The following OLFM1 variants were observed in gnomAD, a reference collection of about 807,000 sequenced individuals.
OLFM1 encodes noelin.
OLFM1 carries 9 observed loss-of-function variants against 49.7 expected under a neutral mutation model. That is an observed-to-expected ratio of 0.18 (90% confidence interval 0.11 to 0.32). The LOEUF (loss-of-function observed/expected upper bound fraction) is 0.32. Ranked by LOEUF, OLFM1 falls within the 10% of genes least tolerant of loss-of-function variation. The pLI is 1.00. For missense variants in OLFM1, 369 were observed against 661.8 expected (o/e 0.56, Z 4.85); for synonymous variants, 240 against 271.8 (o/e 0.88, Z 1.15).
Position 135,097,227 on chromosome 9 carries a change from T to C in OLFM1, c.457-1059T>C, listed in dbSNP as rs555519313. Among the ~76,000 whole-genome samples, 3 of 152,294 alleles carry C rather than the reference T, an allele frequency of 2.0e-5. No homozygotes were observed. In the South Asian group the frequency reaches 6.2e-4, roughly 32 times the overall value. ...TAGATGAAATGGCAAGCTAATGAAATTATAAATCTATATTATAAATAAAAT... is the reference window on the plus strand; with the variant it reads ...TAGATGAAATGGCAAGCTAATGAAACTATAAATCTATATTATAAATAAAAT... On this transcript the variant is annotated intron_variant, in intron 3 of 5. Coordinates refer to ENST00000371793, the MANE Select transcript of OLFM1 (RefSeq NM_001282611.2).
rs1830830134 is a variant in OLFM1 at position 135,098,558 on chromosome 9, C to T, written c.676+53C>T. 2 of 1,509,950 alleles carry T rather than the reference C, an allele frequency of 1.3e-6. No homozygotes were observed. The highest frequency in any genetic ancestry group is 1.8e-6 in the Non-Finnish European group (2 of 1,088,962). 93.5% of individuals were successfully genotyped at this position (1,509,950 alleles called of 1,614,324 possible). ...CGCTGCACTGCCCACCTCCGGCACACGCACAGGCTTAGGGAGTGGTGCTGA... is the reference window on the plus strand; with the variant it reads ...CGCTGCACTGCCCACCTCCGGCACATGCACAGGCTTAGGGAGTGGTGCTGA... On this transcript the variant is annotated intron_variant, in intron 4 of 5. Transcript: ENST00000371793. This position sits in a 1 kb window ranked among gnomAD's most constrained non-coding sequence, Gnocchi z 5.6.
At chr9:135,104,529 C>T (rs1298753761) in intron 4 of OLFM1, among the ~76,000 whole-genome samples, 5 of 151,370 alleles carry the variant, frequency 3.3e-5, no homozygotes, top group Non-Finnish European at 5.9e-5. Flanking sequence ...AGCCCGTGTG[C>T]GCTGCTGGAT....
At chr9:135,076,988 C>A (rs781620635) in intron 1 of OLFM1, 2 of 1,550,476 alleles carry the variant, frequency 1.3e-6, no homozygotes, top group Non-Finnish European at 8.7e-7. Context: ...TATGTCGTCC[C>A]GCTTACCCTC....
chr9:135,114,046 C>T (rs1831060437), intron 5 of OLFM1, among the ~76,000 whole-genome samples: 1 of 151,772 alleles, frequency 6.6e-6, no homozygotes, highest in Non-Finnish European at 1.5e-5. Context: ...TCTGTGTCCC[C>T]TCTTCTGTCT....
chr9:135,076,281 TGG>T, intron 1 of OLFM1: 9 of 1,550,118 alleles, frequency 5.8e-6, no homozygotes, highest in Non-Finnish European at 7.8e-6. Flanking sequence ...AAACAGGCGG[TGG>T]GGATTGTGCC....
At chr9:135,105,668 C>T (rs1006381003) in intron 4 of OLFM1, 2 of 152,328 alleles carry the variant, frequency 1.3e-5, no homozygotes, top group African/African-American at 4.8e-5. Flanking sequence ...CGTGGATGGC[C>T]TCTGAACTCG....
intron 2 of OLFM1, among the ~76,000 whole-genome samples, chr9:135,095,526 A>AG (rs1449187582): frequency 9.5e-6 from 1 of 105,058 alleles, no homozygotes; most frequent in Non-Finnish European, 1.8e-5. Flanking sequence ...AAAAAAAAAA[A>AG]AAAAAGAGAG....
rs1387161756 is a variant in OLFM1, at chr9:135,120,889, A to T, written c.*711A>T. 6.6e-6 allele frequency: 1 copy of T among 151,786 alleles called. No individual in the cohort carries two copies. Among genetic ancestry groups the T allele is most frequent in the African/African-American group, 2.5e-5 (1 of 40,668 alleles). The allele number at this position is 151,786 out of a possible 1,614,324, so 9.4% of individuals were successfully genotyped here. Reference sequence around the variant, plus strand: ...AAATGCAATGCCGTAGTTTGGATTAATAAGTGGATGGTTTTTGTTTCTAAA... The same window carrying T: ...AAATGCAATGCCGTAGTTTGGATTATTAAGTGGATGGTTTTTGTTTCTAAA... On this transcript the variant is annotated 3_prime_UTR_variant, in exon 6 of 6. Coordinates refer to ENST00000371793, the MANE Select transcript of OLFM1 (RefSeq NM_001282611.2).
upstream of OLFM1, chr9:135,087,271 GA>G: frequency 2.7e-6 from 4 of 1,465,120 alleles, no homozygotes; most frequent in Admixed American, 2.3e-5. Flanking sequence ...AATCACCGCG[GA>G]AAAGGGCTCC....
At chr9:135,078,362 G>A (rs558595825) in intron 1 of OLFM1, among the ~76,000 whole-genome samples, 14 of 152,308 alleles carry the variant, frequency 9.2e-5, no homozygotes, top group East Asian at 1.9e-4. Context: ...TGTCAGAAAC[G>A]CCTGGATCCT....
chr9:135,087,887 A>T lies in OLFM1; in HGVS notation c.-103A>T. 3.5e-5 allele frequency: 36 copies of T among 1,038,850 alleles called. No homozygotes were observed. Among genetic ancestry groups the T allele is most frequent in the Non-Finnish European group, 4.2e-5 (36 of 861,836 alleles). 64.4% of individuals were successfully genotyped at this position (1,038,850 alleles called of 1,614,324 possible). On this transcript the variant is annotated 5_prime_UTR_variant, in exon 1 of 6. Transcript: ENST00000371793. ...GCGGGCCGAGGGGGCGCGGGGACAC[A>T]GCCAGGCGCCCCTGCCCGCCGCGGT...
At chr9:135,099,005 G>T (rs1432669895) in intron 4 of OLFM1, among the ~76,000 whole-genome samples, 2 of 152,236 alleles carry the variant, frequency 1.3e-5, no homozygotes, top group Non-Finnish European at 2.9e-5. Flanking sequence ...AGCCTGGAAG[G>T]GGAGGAGCCT....
upstream of OLFM1, among the ~76,000 whole-genome samples, chr9:135,085,232 G>A (rs1238960628): frequency 2.6e-5 from 4 of 152,178 alleles, no homozygotes; most frequent in African/African-American, 9.7e-5. Flanking sequence ...TCCTTCCCAC[G>A]AGCGTGGAAG....
rs141787345 is a variant in OLFM1, at chr9:135,100,959, CATAG to C, written c.676+2460_676+2463del. Among the ~76,000 whole-genome samples, 637 of 152,218 alleles carry C rather than the reference CATAG, an allele frequency of 4.2e-3. 5 individuals are homozygous for C. The highest frequency in any genetic ancestry group is 0.014 in the African/African-American group (581 of 41,508). On this transcript the variant is annotated intron_variant, in intron 4 of 5. Transcript: ENST00000371793. ...TTGATTGATTGATAGATGATTGACA[CATAG>C]ATAGAGTTAGCAGCTGCTGACCTTC...
intron 4 of OLFM1, among the ~76,000 whole-genome samples, chr9:135,104,775 G>A (rs1242032351): frequency 6.6e-6 from 1 of 152,196 alleles, no homozygotes; most frequent in Non-Finnish European, 1.5e-5. Context: ...CCAGCAGCCG[G>A]AGGGTGAGCC....
At chr9:135,081,291 A>C (rs934429380) in intron 1 of OLFM1, among the ~76,000 whole-genome samples, 1 of 152,168 alleles carries the variant, frequency 6.6e-6, no homozygotes, top group Non-Finnish European at 1.5e-5. Context: ...AGAAAATGCA[A>C]AGTCGAAAAA....
At chr9:135,102,252 G>A (rs900118280) in intron 4 of OLFM1, among the ~76,000 whole-genome samples, 3 of 152,158 alleles carry the variant, frequency 2.0e-5, no homozygotes, top group African/African-American at 7.2e-5. Flanking sequence ...CTTGTTCCCT[G>A]ACCCTGAGAT....
At position 135,098,252 on chromosome 9, in the gene OLFM1, C is replaced by A; in HGVS notation, c.457-34C>A. On this transcript the variant is annotated intron_variant, in intron 3 of 5. Transcript: ENST00000371793. This position sits in a 1 kb window ranked among gnomAD's most constrained non-coding sequence, Gnocchi z 5.6. ...GGCAGGGTGTGAGAGTTCTTGCATG[C>A]ATCGCACTGAACCAGCTTATTTTAA... 6.2e-7 allele frequency: 1 copy of A among 1,604,344 alleles called. No individual in the cohort carries two copies. Among genetic ancestry groups the A allele is most frequent in the Non-Finnish European group, 8.5e-7 (1 of 1,172,236 alleles).
At position 135,117,893 on chromosome 9, in the gene OLFM1, C is replaced by T. The variant is rs1453257782; in HGVS notation, c.784-1611C>T. Among the ~76,000 whole-genome samples the T allele has an allele frequency of 6.6e-6, 1 of 152,226 alleles. No individual in the cohort carries two copies. Among genetic ancestry groups the T allele is most frequent in the Non-Finnish European group, 1.5e-5 (1 of 68,038 alleles). On this transcript the variant is annotated intron_variant, in intron 5 of 5. Coordinates refer to ENST00000371793, the MANE Select transcript of OLFM1 (RefSeq NM_001282611.2). This position sits in a 1 kb window ranked among gnomAD's most constrained non-coding sequence, Gnocchi z 5.5. Reference sequence around the variant, plus strand: ...GATCCTTTCTTCAAACTGTGTGTTCCCATCTCACCTTCCCACTAGACCCTT... The same window carrying T: ...GATCCTTTCTTCAAACTGTGTGTTCTCATCTCACCTTCCCACTAGACCCTT...
Sources: gnomAD v4.1 joint callset for allele counts (sites outside exome capture counted in the v4.1 genomes callset) on GRCh38, gnomAD v4.1.1 for gene constraint, Gnocchi (gnomAD v3.1) non-coding constraint, MANE v1.5 for transcripts, NCBI Gene and HGNC (gene_info 2026-07-23, HGNC 2026-07-21) for gene names.